LRRC37A2: variants seen among roughly 807,000 people sequenced by gnomAD.
LRRC37A2 encodes leucine-rich repeat-containing protein 37A2.
Under a neutral mutation model 68.8 loss-of-function variants are expected in LRRC37A2, and 9 were observed. The observed-to-expected ratio is 0.13, with a 90% confidence interval of 0.08 to 0.23. LRRC37A2 has a LOEUF of 0.23. Ranked by LOEUF, LRRC37A2 falls within the 10% of genes least tolerant of loss-of-function variation. The pLI, the probability that LRRC37A2 is intolerant of heterozygous loss-of-function variation, is 1.00. For synonymous variants in LRRC37A2, 63 were observed against 367.6 expected, an observed-to-expected ratio of 0.17 and a Z score of 9.48; for missense variants, 168 against 950.4, an observed-to-expected ratio of 0.18 and a Z score of 10.82.
chr17:47,044,992 C>CG, the LRRC37A2 span, among the ~76,000 whole-genome samples: 55 of 151,296 alleles, frequency 3.6e-4, no homozygotes, highest in African/African-American at 1.3e-3. Flanking sequence ...GCCTGTATAA[C>CG]AGAGCGAGAC....
chr17:47,044,573 C>T, the LRRC37A2 span, among the ~76,000 whole-genome samples: 17 of 151,032 alleles, frequency 1.1e-4, no homozygotes, highest in South Asian at 3.6e-3. Context: ...CATACACACA[C>T]GGAAAGCAAA....
At chr17:46,873,201 C>T in the LRRC37A2 span, among the ~76,000 whole-genome samples, 2 of 151,952 alleles carry the variant, frequency 1.3e-5, no homozygotes, top group Admixed American at 6.6e-5. Flanking sequence ...ACGAGCCAGG[C>T]GATGCATTTG....
chr17:46,752,294 A>C, the LRRC37A2 span, among the ~76,000 whole-genome samples: 1 of 152,064 alleles, frequency 6.6e-6, no homozygotes, highest in African/African-American at 2.4e-5. Context: ...CCACCCTTCC[A>C]TGTGCCCATG....
chr17:46,739,527 G>A, the LRRC37A2 span, among the ~76,000 whole-genome samples: 1 of 151,874 alleles, frequency 6.6e-6, no homozygotes, highest in Non-Finnish European at 1.5e-5. Flanking sequence ...CAACCAGAGT[G>A]AGACCTTGTC....
the LRRC37A2 span, chr17:46,937,175 T>C: frequency 6.6e-6 from 1 of 152,190 alleles, no homozygotes; most frequent in East Asian, 1.9e-4. Context: ...AGGAATAAAA[T>C]GCCCTTTTGT....
the LRRC37A2 span, among the ~76,000 whole-genome samples, chr17:46,934,557 A>G: frequency 6.6e-6 from 1 of 152,296 alleles, no homozygotes; most frequent in Non-Finnish European, 1.5e-5. Flanking sequence ...AGCCTCCTCT[A>G]TCCTTAGTTA....
chr17:46,734,596 G>T, the LRRC37A2 span, among the ~76,000 whole-genome samples: 2 of 152,114 alleles, frequency 1.3e-5, no homozygotes, highest in African/African-American at 4.8e-5. Flanking sequence ...AGAGATCTGT[G>T]TTCTTGTTTT....
chr17:46,978,930 TC>T, the LRRC37A2 span: 1 of 1,459,666 alleles, frequency 6.9e-7, no homozygotes, highest in Non-Finnish European at 9.0e-7. Flanking sequence ...GGGTGCGGTT[TC>T]CCAGGGCGGC....
chr17:46,440,801 T>G, the LRRC37A2 span, among the ~76,000 whole-genome samples: 1 of 1,262 alleles, frequency 7.9e-4, no homozygotes, highest in East Asian at 1.8e-3. Context: ...GGCTCTCAAG[T>G]ACACTGAATG....
the LRRC37A2 span, among the ~76,000 whole-genome samples, chr17:46,398,413 C>T: frequency 2.6e-5 from 4 of 151,556 alleles, no homozygotes; most frequent in South Asian, 2.1e-4. Flanking sequence ...AAAACAGTTC[C>T]AGCAGTTCAG....
At chr17:46,840,000 CTTCTTTCTTTCTTTCT>C in the LRRC37A2 span, among the ~76,000 whole-genome samples, 24,030 of 124,834 alleles carry the variant, frequency 0.19, 3,125 homozygotes, top group East Asian at 0.51. Flanking sequence ...TTTTTTCTTT[CTTCTTTCTTTCTTTCT>C]TTCTTTCTTT....
At chr17:46,951,729 G>A in the LRRC37A2 span, among the ~76,000 whole-genome samples, 15 of 152,142 alleles carry the variant, frequency 9.9e-5, no homozygotes, top group Admixed American at 9.8e-4. Flanking sequence ...GACACAAGAG[G>A]AAAAGGAAAC....
At chr17:46,534,503 C>G (rs1454817526) in intron 6 of LRRC37A2, among the ~76,000 whole-genome samples, 1 of 148,402 alleles carries the variant, frequency 6.7e-6, no homozygotes, top group Non-Finnish European at 1.5e-5. Context: ...TCAGAGAGCA[C>G]TGGGTTGGGG....
At chr17:46,814,652 C>G in the LRRC37A2 span, among the ~76,000 whole-genome samples, 1 of 152,338 alleles carries the variant, frequency 6.6e-6, no homozygotes, top group African/African-American at 2.4e-5. Flanking sequence ...CCCCAGCCAG[C>G]CCAGCCCCAG....
chr17:46,707,393 A>G, the LRRC37A2 span, among the ~76,000 whole-genome samples: 1 of 152,214 alleles, frequency 6.6e-6, no homozygotes, highest in African/African-American at 2.4e-5. Flanking sequence ...ATACATATAA[A>G]GTTTACCATT....
the LRRC37A2 span, chr17:46,769,767 G>T: frequency 4.4e-6 from 7 of 1,608,248 alleles, no homozygotes; most frequent in Non-Finnish European, 5.1e-6. Context: ...GGTTTGGGGA[G>T]GGTAGCCGGG....
chr17:46,938,644 T>C, the LRRC37A2 span: 1 of 1,614,156 alleles, frequency 6.2e-7, no homozygotes, highest in Non-Finnish European at 8.5e-7. Flanking sequence ...GCTGGGCTTG[T>C]CCAACACAGT....
chr17:46,897,724 A>G, the LRRC37A2 span, among the ~76,000 whole-genome samples: 2 of 152,030 alleles, frequency 1.3e-5, no homozygotes, highest in Non-Finnish European at 2.9e-5. Context: ...TCCAGGGCTC[A>G]AGCAATCCTC....
chr17:47,014,019 G>A, the LRRC37A2 span, among the ~76,000 whole-genome samples: 1 of 152,092 alleles, frequency 6.6e-6, no homozygotes, highest in Non-Finnish European at 1.5e-5. Context: ...CTTGAACCCG[G>A]GAGGCGGAGG....
Sources: allele counts gnomAD v4.1 joint callset (sites outside exome capture counted in the v4.1 genomes callset), GRCh38; gene constraint gnomAD v4.1.1; transcripts MANE v1.5; gene names NCBI Gene and HGNC (gene_info 2026-07-23, HGNC 2026-07-21).